The following NYX variants were observed in gnomAD, a reference collection of about 807,000 sequenced individuals.
NYX encodes the protein leucine-rich repeat protein.
For synonymous variants in NYX, 258 were observed against 245.7 expected (o/e 1.05, Z -0.47); for missense variants, 481 against 485.4 (o/e 0.99, Z 0.09).
chrX:41,457,858 G>A (rs1303755266), intron 2 of NYX, among the ~76,000 whole-genome samples: 1 of 111,077 alleles, frequency 9.0e-6, no homozygotes, highest in Non-Finnish European at 1.9e-5. Flanking sequence ...GAAAATGAAA[G>A]CTACAAGGGC....
intron 2 of NYX, among the ~76,000 whole-genome samples, chrX:41,469,547 CTTT>C (rs5902281): frequency 3.3e-5 from 3 of 90,341 alleles, no homozygotes; most frequent in African/African-American, 8.1e-5. Context: ...TGACATTCTA[CTTT>C]TTTTTTTTTT....
At chrX:41,470,844 T>G (rs2064356766) in intron 2 of NYX, among the ~76,000 whole-genome samples, 1 of 110,900 alleles carries the variant, frequency 9.0e-6, no homozygotes, top group South Asian at 3.8e-4. Context: ...GGCTACTGTA[T>G]TGGGCAGCGC....
chrX:41,458,820 C>G (rs372068638), intron 2 of NYX, among the ~76,000 whole-genome samples: 3 of 102,800 alleles, frequency 2.9e-5, no homozygotes, highest in South Asian at 4.8e-4. Context: ...TGGCTCACGC[C>G]TGTAATCCCA....
intron 2 of NYX, among the ~76,000 whole-genome samples, chrX:41,464,667 G>C: frequency 1.2e-5 from 1 of 84,899 alleles, no homozygotes; most frequent in Admixed American, 1.5e-4. Flanking sequence ...ATGATGGGCC[G>C]TGCGTGTGTG....
chrX:41,457,720 T>C (rs2064304143), intron 2 of NYX, among the ~76,000 whole-genome samples: 1 of 111,480 alleles, frequency 9.0e-6, no homozygotes, highest in Non-Finnish European at 1.9e-5. Flanking sequence ...TAGCTCTGTT[T>C]AGGTCAAAGT....
intron 2 of NYX, chrX:41,472,125 A>C (rs1418100472): frequency 5.5e-6 from 2 of 363,398 alleles, no homozygotes; most frequent in Non-Finnish European, 9.8e-6. Context: ...TCAGGAGTCC[A>C]GACTTCCTTA....
At chrX:41,471,896 TC>T (rs2064362199) in intron 2 of NYX, among the ~76,000 whole-genome samples, 1 of 108,778 alleles carries the variant, frequency 9.2e-6, no homozygotes, top group African/African-American at 3.4e-5. Flanking sequence ...CTGGGGAGTA[TC>T]TTCAGGGTGG....
intron 2 of NYX, among the ~76,000 whole-genome samples, chrX:41,462,952 T>G (rs2064325246): frequency 9.4e-6 from 1 of 106,017 alleles, no homozygotes; most frequent in Non-Finnish European, 2.0e-5. Flanking sequence ...GTTTTAAATT[T>G]TGATGAAGTC....
chrX:41,468,318 G>A (rs1454604991), intron 2 of NYX, among the ~76,000 whole-genome samples: 6 of 101,489 alleles, frequency 5.9e-5, no homozygotes, highest in Non-Finnish European at 9.8e-5. Context: ...TTGAGACAGA[G>A]TCTCGCTCTG....
chrX:41,473,876 C>G lies in NYX; in HGVS notation c.408C>G (p.Asp136Glu), dbSNP rs1422213474. The stretch of plus-strand genomic sequence containing the variant: ...CGCTCAGCCGCCTGCGCCGCCTAGA[C>G]CTAGCAGCCTGCCGCCTCTTCAGCG... ...FAALSRLRRL[D>E]LAACRLFSVP... The change falls in exon 3 of 3, where the codon GAC (aspartate) becomes GAG (glutamate). Residue 136 changes from aspartate to glutamate, a missense_variant. Physicochemically the swap from Asp to Glu is conservative, Grantham distance 45 (BLOSUM62 2). Coordinates refer to ENST00000378220, the MANE Select transcript of NYX (RefSeq NM_001378477.3). The G allele has an allele frequency of 1.8e-6, 2 of 1,129,468 alleles. No individual in the cohort carries two copies. Among genetic ancestry groups the G allele is most frequent in the Non-Finnish European group, 2.3e-6 (2 of 861,221 alleles). 93.1% of individuals were successfully genotyped at this position (1,129,468 alleles called of 1,213,427 possible). A position where few individuals can be genotyped will look rare whatever the true frequency, so the allele number is the denominator to read the frequency against.
At chrX:41,464,241 G>A (rs1243880137) in intron 2 of NYX, among the ~76,000 whole-genome samples, 1 of 109,847 alleles carries the variant, frequency 9.1e-6, no homozygotes, top group African/African-American at 3.3e-5. Context: ...TGTCTCCTGG[G>A]CTTAAGCGAT....
intron 2 of NYX, among the ~76,000 whole-genome samples, chrX:41,472,909 G>A (rs921119058): frequency 1.2e-4 from 13 of 111,430 alleles, no homozygotes; most frequent in African/African-American, 4.2e-4. Context: ...AGGGATTCTC[G>A]TGCTTCAGCC....
chrX:41,472,989 G>C (rs776093049), intron 2 of NYX, among the ~76,000 whole-genome samples: 1 of 111,533 alleles, frequency 9.0e-6, no homozygotes, highest in African/African-American at 3.3e-5. Flanking sequence ...AGTAGAGACG[G>C]AGTTTCACCA....
chrX:41,472,416 A>C (rs1473525118), intron 2 of NYX: 1 of 1,146,583 alleles, frequency 8.7e-7, no homozygotes, highest in African/African-American at 1.8e-5. Context: ...TGCAATGTGA[A>C]GCTCACCTGA....
intron 2 of NYX, among the ~76,000 whole-genome samples, chrX:41,471,310 C>T (rs1322877505): frequency 9.0e-6 from 1 of 111,575 alleles, no homozygotes; most frequent in African/African-American, 3.3e-5. Context: ...CGGGGTTTCA[C>T]CATGTTGGCC....
In NYX at chrX:41,455,246, C is replaced by T. The variant is rs181685291; in HGVS notation, c.22+7320C>T. ...TCAGCCTCCTGAGTAGCTGGGATTACAGGCGCCCACCACCATGCCCGGCTA... is the reference window on the plus strand; with the variant it reads ...TCAGCCTCCTGAGTAGCTGGGATTATAGGCGCCCACCACCATGCCCGGCTA... On this transcript the variant is annotated intron_variant, in intron 2 of 2. Coordinates refer to ENST00000378220, the MANE Select transcript of NYX (RefSeq NM_001378477.3). Among the ~76,000 whole-genome samples the T allele has an allele frequency of 5.6e-4, 62 of 109,769 alleles. 1 individual carries two copies. The highest frequency in any genetic ancestry group is 5.2e-3 in the Admixed American group (53 of 10,184).
intron 2 of NYX, chrX:41,472,644 G>A (rs2064366384): frequency 1.3e-5 from 6 of 457,168 alleles, no homozygotes; most frequent in Non-Finnish European, 1.9e-5. Flanking sequence ...AAGGTCACTG[G>A]AGCCTGCATT....
In NYX at chrX:41,473,810, C is replaced by A. The variant is rs1398957935; in HGVS notation, c.342C>A (p.His114Gln). The stretch of plus-strand genomic sequence containing the variant: ...GCCTGGCTGAGCTGCGCCTGGCGCA[C>A]AACGGCGACCTGCGCTACCTGCACG... ...LPRLAELRLA[H>Q]NGDLRYLHAR... The change falls in exon 3 of 3, where the codon CAC (histidine) becomes CAA (glutamine). Residue 114 changes from histidine to glutamine, a missense_variant. By Grantham distance (24) the His-to-Gln change is conservative (BLOSUM62 0). Transcript: ENST00000378220. 2.7e-6 allele frequency: 3 copies of A among 1,117,342 alleles called. No homozygotes were observed. Among genetic ancestry groups the A allele is most frequent in the Non-Finnish European group, 3.5e-6 (3 of 855,059 alleles). 92.1% of individuals were successfully genotyped at this position (1,117,342 alleles called of 1,213,427 possible).
chrX:41,450,632 C>G (rs2064275709), intron 2 of NYX, among the ~76,000 whole-genome samples: 1 of 95,022 alleles, frequency 1.1e-5, no homozygotes, highest in Non-Finnish European at 2.1e-5. Context: ...GCCACTCACA[C>G]AGCTAGAATG....
Sources: gnomAD v4.1 joint callset for allele counts (sites outside exome capture counted in the v4.1 genomes callset) on GRCh38, gnomAD v4.1.1 for gene constraint, MANE v1.5 for transcripts, NCBI Gene and HGNC (gene_info 2026-07-23, HGNC 2026-07-21) for gene names.